Variants in PTPRD observed in about 807,000 individuals in gnomAD.
PTPRD encodes receptor-type tyrosine-protein phosphatase delta.
In PTPRD, 34 loss-of-function variants were observed where a neutral mutation model predicts 214.5. The ratio of observed to expected loss-of-function variants is 0.16; its 90% confidence interval spans 0.12 to 0.21. The LOEUF is 0.21. PTPRD is among the 10% of genes least tolerant of loss of function. The probability of loss-of-function intolerance (pLI) is 1.00; values close to 1 mark genes in which losing one functional copy is unlikely to be tolerated. For missense variants in PTPRD, 2,545 were observed against 2,398.7 expected, an observed-to-expected ratio of 1.06 and a Z score of -1.27; for synonymous variants, 1,128 against 845.7, an observed-to-expected ratio of 1.33 and a Z score of -5.79.
chr9:9,906,810 AT>A (rs1276168990), intron 5 of PTPRD, among the ~76,000 whole-genome samples: 1 of 151,962 alleles, frequency 6.6e-6, no homozygotes. Flanking sequence ...TCAAAAGCAC[AT>A]TCATAAGATT....
intron 2 of PTPRD, among the ~76,000 whole-genome samples, chr9:10,568,183 T>C (rs1451076120): frequency 6.7e-6 from 1 of 148,774 alleles, no homozygotes; most frequent in Non-Finnish European, 1.5e-5. Context: ...GTTCTCATTG[T>C]TCAATTCCCA....
rs148861604 is a variant in PTPRD at position 9,633,615 on chromosome 9, A to G, written c.-286-58834T>C. Among the ~76,000 whole-genome samples, 632 of 152,296 alleles carry G rather than the reference A, an allele frequency of 4.1e-3. 7 individuals carry two copies. The highest frequency in any genetic ancestry group is 0.015 in the African/African-American group (606 of 41,570). Reference sequence around the variant, plus strand: ...TATTTCTAGCTCACTCCCTCAGCTCAGTCTGGTTAATCTTATTATTCATGT... The same window carrying G: ...TATTTCTAGCTCACTCCCTCAGCTCGGTCTGGTTAATCTTATTATTCATGT... On this transcript the variant is annotated intron_variant, in intron 7 of 45. Coordinates refer to ENST00000381196, the MANE Select transcript of PTPRD (RefSeq NM_002839.4).
At chr9:8,431,126 C>T (rs1247719774) in intron 35 of PTPRD, among the ~76,000 whole-genome samples, 8 of 152,178 alleles carry the variant, frequency 5.3e-5, no homozygotes, top group Admixed American at 2.6e-4. Flanking sequence ...TTAGCAGTTA[C>T]GTCCCAATGT....
chr9:10,360,783 G>C (rs2097365543), intron 2 of PTPRD, among the ~76,000 whole-genome samples: 1 of 152,070 alleles, frequency 6.6e-6, no homozygotes, highest in Non-Finnish European at 1.5e-5. Context: ...ACTGATAAAA[G>C]CAATCTCATT....
In PTPRD at chr9:10,175,071, T is replaced by C. The variant is rs147169542; in HGVS notation, c.-544-141281A>G. ...AGTGATGAAAAATGATTCTTCTTTA[T>C]TTGACAATAAAGCCTTAGGTATTGC... On this transcript the variant is annotated intron_variant, in intron 3 of 45. Coordinates refer to ENST00000381196, the MANE Select transcript of PTPRD (RefSeq NM_002839.4). Among the ~76,000 whole-genome samples, 403 of 152,218 alleles carry C rather than the reference T, an allele frequency of 2.6e-3. 3 individuals are homozygous for C. The highest frequency in any genetic ancestry group is 8.5e-3 in the African/African-American group (353 of 41,546).
chr9:8,811,280 T>A (rs1287887312), intron 11 of PTPRD, among the ~76,000 whole-genome samples: 1 of 152,086 alleles, frequency 6.6e-6, no homozygotes, highest in African/African-American at 2.4e-5. Context: ...AAGCTCAACA[T>A]TCTACCACCA....
At chr9:9,376,521 C>G (rs2060849016) in intron 9 of PTPRD, among the ~76,000 whole-genome samples, 1 of 152,088 alleles carries the variant, frequency 6.6e-6, no homozygotes, top group Non-Finnish European at 1.5e-5. Context: ...ATTAACTTCA[C>G]TTAAAAGAAA....
rs111856560 is a variant in PTPRD, at chr9:10,127,934, A to C, written c.-544-94144T>G. Among the ~76,000 whole-genome samples, 486 of 152,250 alleles carry C rather than the reference A, an allele frequency of 3.2e-3. 3 individuals carry two copies. The highest frequency in any genetic ancestry group is 0.011 in the African/African-American group (470 of 41,542). ...AGGGTGTGGAGAATGGCAAATCACA[A>C]ATCATATGATCACCAGAAAAACTCT... On this transcript the variant is annotated intron_variant, in intron 3 of 45. Coordinates refer to ENST00000381196, the MANE Select transcript of PTPRD (RefSeq NM_002839.4).
intron 33 of PTPRD, among the ~76,000 whole-genome samples, chr9:8,457,348 C>T (rs1482906556): frequency 2.0e-5 from 3 of 152,068 alleles, no homozygotes; most frequent in East Asian, 1.9e-4. Context: ...AATATTTTTT[C>T]AAAATTATAG....
At chr9:10,519,866 G>A (rs781369440) in intron 2 of PTPRD, among the ~76,000 whole-genome samples, 6 of 151,874 alleles carry the variant, frequency 4.0e-5, no homozygotes, top group Non-Finnish European at 7.4e-5. Flanking sequence ...TGTGTGTTCC[G>A]ACTGTTCCAA....
chr9:9,601,111 A>ATGTG (rs140016979), intron 7 of PTPRD, among the ~76,000 whole-genome samples: 3,112 of 97,200 alleles, frequency 0.032, 83 homozygotes, highest in East Asian at 0.098. Context: ...AGATTAATAT[A>ATGTG]TGTGTGTGTG....
chr9:9,766,331 T>C (rs2098706820), intron 6 of PTPRD, among the ~76,000 whole-genome samples: 1 of 152,200 alleles, frequency 6.6e-6, no homozygotes, highest in African/African-American at 2.4e-5. Context: ...TACTGTTTAC[T>C]GAGCTGTTAA....
chr9:9,745,189 C>G (rs2098444991), intron 6 of PTPRD, among the ~76,000 whole-genome samples: 1 of 152,060 alleles, frequency 6.6e-6, no homozygotes, highest in African/African-American at 2.4e-5. Context: ...TTTATCATGT[C>G]TCTACTTTTT....
intron 7 of PTPRD, among the ~76,000 whole-genome samples, chr9:9,689,293 CTG>C (rs1345875303): frequency 6.6e-6 from 1 of 151,668 alleles, no homozygotes; most frequent in African/African-American, 2.4e-5. Flanking sequence ...TTCAAAAGTT[CTG>C]TGTTATGTTA....
intron 8 of PTPRD, among the ~76,000 whole-genome samples, chr9:9,488,228 A>G (rs191766983): frequency 2.6e-5 from 4 of 152,314 alleles, no homozygotes; most frequent in African/African-American, 9.6e-5. Context: ...GCATACTATG[A>G]GACAATGTTC....
At chr9:10,144,459 T>C (rs1056825966) in intron 3 of PTPRD, among the ~76,000 whole-genome samples, 2 of 152,128 alleles carry the variant, frequency 1.3e-5, no homozygotes, top group African/African-American at 4.8e-5. Context: ...ACTTGCTGTA[T>C]TCCCCCTGCT....
At chr9:10,518,722 C>T (rs780636179) in intron 2 of PTPRD, among the ~76,000 whole-genome samples, 18 of 151,500 alleles carry the variant, frequency 1.2e-4, no homozygotes, top group Non-Finnish European at 2.4e-4. Flanking sequence ...TTAGTACAGA[C>T]AGGGTTTTAC....
At chr9:10,047,450 T>A (rs2097427811) in intron 3 of PTPRD, among the ~76,000 whole-genome samples, 1 of 151,920 alleles carries the variant, frequency 6.6e-6, no homozygotes, top group Non-Finnish European at 1.5e-5. Context: ...TTTCATTTTA[T>A]TAGTTTGAAT....
chr9:10,322,842 T>C (rs1277939435), intron 3 of PTPRD, among the ~76,000 whole-genome samples: 1 of 151,950 alleles, frequency 6.6e-6, no homozygotes, highest in African/African-American at 2.4e-5. Context: ...CAACATGTCA[T>C]CAGGGAGGGA....
Sources: gnomAD v4.1 joint callset for allele counts (sites outside exome capture counted in the v4.1 genomes callset) on GRCh38, gnomAD v4.1.1 for gene constraint, MANE v1.5 for transcripts, NCBI Gene and HGNC (gene_info 2026-07-23, HGNC 2026-07-21) for gene names.